Variants in HECW2 observed in about 807,000 individuals in gnomAD.
The protein encoded by HECW2 is HECT, C2 and WW domain containing E3 ubiquitin protein ligase 2, also known as E3 ubiquitin-protein ligase HECW2.
Under a neutral mutation model 175.2 loss-of-function variants are expected in HECW2, and 61 were observed. The observed-to-expected ratio is 0.35, with a 90% CI of 0.28 to 0.43. HECW2 has a LOEUF of 0.43. Ranked by LOEUF, HECW2 falls within the 20% of genes least tolerant of loss-of-function variation. The pLI, the probability that HECW2 is intolerant of heterozygous loss-of-function variation, is 1.00. For missense variants in HECW2, 1,524 were observed against 2,000.5 expected (o/e 0.76, Z 4.54); for synonymous variants, 671 against 731.0 (o/e 0.92, Z 1.32).
intron 1 of HECW2, among the ~76,000 whole-genome samples, chr2:196,486,357 G>A (rs1257668412): frequency 1.3e-5 from 2 of 152,144 alleles, no homozygotes; most frequent in African/African-American, 4.8e-5. Flanking sequence ...TCAGCCAGTG[G>A]GACTAGCAGT....
At chr2:196,253,817 T>C (rs1688948333) in intron 19 of HECW2, 103 bp downstream of exon 19, 2 of 1,033,798 alleles carry the variant, frequency 1.9e-6, no homozygotes, top group African/African-American at 1.6e-5. Context: ...ACCAAAGATG[T>C]ACCTGAAGTG....
intron 1 of HECW2, among the ~76,000 whole-genome samples, chr2:196,444,806 A>G (rs1298791417): frequency 6.6e-6 from 1 of 152,232 alleles, no homozygotes; most frequent in Non-Finnish European, 1.5e-5. Flanking sequence ...CCAGGTGAGT[A>G]GCAAGGAAGG....
intron 13 of HECW2, among the ~76,000 whole-genome samples, chr2:196,298,759 C>CT (rs1432448246): frequency 1.3e-5 from 2 of 152,208 alleles, no homozygotes; most frequent in Admixed American, 1.3e-4. Context: ...TCAACATAAA[C>CT]TGATACCTTC....
intron 2 of HECW2, among the ~76,000 whole-genome samples, chr2:196,427,497 A>G (rs1695582929): frequency 6.6e-6 from 1 of 152,140 alleles, no homozygotes; most frequent in South Asian, 2.1e-4. Flanking sequence ...CAAATTTACT[A>G]TCATCTACAT....
At chr2:196,336,197 T>C (rs1692544701) in intron 3 of HECW2, among the ~76,000 whole-genome samples, 1 of 152,222 alleles carries the variant, frequency 6.6e-6, no homozygotes, top group Admixed American at 6.5e-5. Flanking sequence ...CCCTGAGAAC[T>C]CTTCTGCAAA....
At chr2:196,255,559 C>A (rs10209116) in intron 18 of HECW2, among the ~76,000 whole-genome samples, 1 of 152,118 alleles carries the variant, frequency 6.6e-6, no homozygotes, top group Admixed American at 6.5e-5. Flanking sequence ...TGGAAAATAA[C>A]TTTACATGCG....
chr2:196,575,037 T>C (rs1010176067), intron 1 of HECW2, among the ~76,000 whole-genome samples: 3 of 120,514 alleles, frequency 2.5e-5, no homozygotes, highest in Non-Finnish European at 4.7e-5. Context: ...GCTATGATCA[T>C]ACCACTATAC....
At chr2:196,259,264 T>C (rs1223864041) in intron 17 of HECW2, among the ~76,000 whole-genome samples, 1 of 152,232 alleles carries the variant, frequency 6.6e-6, no homozygotes, top group African/African-American at 2.4e-5. Flanking sequence ...TAAGCCACCA[T>C]GCCTGGCCAA....
chr2:196,507,238 T>C (rs1003834996), intron 1 of HECW2, among the ~76,000 whole-genome samples: 1 of 152,272 alleles, frequency 6.6e-6, no homozygotes, highest in Admixed American at 6.5e-5. Flanking sequence ...CACATATAAA[T>C]AGAAACACAT....
At chr2:196,393,378 G>A (rs1355938820) in intron 2 of HECW2, among the ~76,000 whole-genome samples, 2 of 152,086 alleles carry the variant, frequency 1.3e-5, no homozygotes, top group Non-Finnish European at 2.9e-5. Flanking sequence ...TACAGAATGG[G>A]AGAAAATTTT....
At chr2:196,247,927 T>C (rs1688707956) in intron 19 of HECW2, among the ~76,000 whole-genome samples, 1 of 152,198 alleles carries the variant, frequency 6.6e-6, no homozygotes, top group African/African-American at 2.4e-5. Context: ...ATCTCTTTCC[T>C]GGTTCACTTT....
At chr2:196,366,030 A>G (rs1287081631) in intron 2 of HECW2, among the ~76,000 whole-genome samples, 1 of 152,140 alleles carries the variant, frequency 6.6e-6, no homozygotes, top group Non-Finnish European at 1.5e-5. Context: ...CCTACCATTC[A>G]CTAAATGTCA....
At chr2:196,317,123 C>G in intron 10 of HECW2, 151 bp downstream of exon 10, 2 of 622,494 alleles carry the variant, frequency 3.2e-6, no homozygotes, top group African/African-American at 3.6e-5. Flanking sequence ...CCTAGCACGT[C>G]CCGGACTACA....
chr2:196,569,869 T>C (rs1426333695), intron 1 of HECW2, among the ~76,000 whole-genome samples: 2 of 152,162 alleles, frequency 1.3e-5, no homozygotes, highest in African/African-American at 4.8e-5. Flanking sequence ...TTATTACTAA[T>C]AAGGACACAA....
chr2:196,464,626 C>T (rs950432467), intron 1 of HECW2, among the ~76,000 whole-genome samples: 1 of 152,050 alleles, frequency 6.6e-6, no homozygotes, highest in Non-Finnish European at 1.5e-5. Flanking sequence ...TGCTCAAACC[C>T]GTAAGAATTC....
chr2:196,575,080 C>CAAAAAAAAAAAAAAAA (rs1164886570), intron 1 of HECW2, among the ~76,000 whole-genome samples: 1 of 29,844 alleles, frequency 3.4e-5, no homozygotes, highest in Non-Finnish European at 5.8e-5. Flanking sequence ...GGCCTTGTCT[C>CAAAAAAAAAAAAAAAA]AAAAAAAAAA....
At chr2:196,221,006 A>G (rs1687645612) in intron 24 of HECW2, 65 bp from the exon 25 acceptor site, 1 of 1,554,988 alleles carries the variant, frequency 6.4e-7, no homozygotes. Flanking sequence ...CAACATTACT[A>G]GCATTGAGCT....
intron 18 of HECW2, among the ~76,000 whole-genome samples, chr2:196,256,774 G>T (rs757625525): frequency 1.6e-4 from 25 of 152,140 alleles, no homozygotes; most frequent in Non-Finnish European, 3.1e-4. Context: ...TTTCACAACT[G>T]GCTCAATACC....
At chr2:196,526,820 A>C (rs1024993879) in intron 1 of HECW2, among the ~76,000 whole-genome samples, 1 of 151,994 alleles carries the variant, frequency 6.6e-6, no homozygotes. Flanking sequence ...CCACTTGAGG[A>C]GGCAGTCTGC....
Sources: allele counts gnomAD v4.1 joint callset (sites outside exome capture counted in the v4.1 genomes callset), GRCh38; gene constraint gnomAD v4.1.1; transcripts MANE v1.5; gene names NCBI Gene and HGNC (gene_info 2026-07-23, HGNC 2026-07-21).